SLC28A3: variants seen among roughly 807,000 people sequenced by gnomAD.
SLC28A3 encodes concentrative Na(+)-nucleoside cotransporter 3.
A neutral mutation model predicts 84.2 loss-of-function variants in SLC28A3; 68 were observed. The ratio of observed to expected loss-of-function variants is 0.81; its 90% CI spans 0.66 to 0.99. SLC28A3 has a LOEUF of 0.99. Ranked by LOEUF, SLC28A3 falls within the 50% of genes least tolerant of loss-of-function variation. The probability of loss-of-function intolerance (pLI) is 0.00; values close to 1 mark genes in which losing one functional copy is unlikely to be tolerated. For missense variants in SLC28A3, 712 were observed against 841.5 expected (o/e 0.85, Z 1.90); for synonymous variants, 267 against 303.6 (o/e 0.88, Z 1.25).
chr9:84,335,224 A>G (rs552521538), intron 1 of SLC28A3, among the ~76,000 whole-genome samples: 1 of 152,204 alleles, frequency 6.6e-6, no homozygotes, highest in South Asian at 2.1e-4. Context: ...TTTTTGCTCT[A>G]ACTTTATTCC....
the SLC28A3 span, among the ~76,000 whole-genome samples, chr9:84,353,265 C>G: frequency 1.3e-5 from 2 of 152,294 alleles, no homozygotes; most frequent in African/African-American, 4.8e-5. Flanking sequence ...ATATTTTAAG[C>G]CTCACTCACG....
chr9:84,339,212 C>A (rs1183504087), intron 1 of SLC28A3, among the ~76,000 whole-genome samples: 2 of 151,980 alleles, frequency 1.3e-5, no homozygotes, highest in Non-Finnish European at 2.9e-5. Context: ...TTTTCCGTTT[C>A]TTTTATGTGA....
At chr9:84,280,904 T>C (rs1041261681) in intron 14 of SLC28A3, 22 bp from the exon 15 acceptor site, 2 of 1,611,168 alleles carry the variant, frequency 1.2e-6, no homozygotes, top group Non-Finnish European at 8.5e-7. Flanking sequence ...CATAAACACA[T>C]ATGTATACAC....
intron 1 of SLC28A3, among the ~76,000 whole-genome samples, chr9:84,324,181 C>CTTGTT (rs1046497862): frequency 2.6e-5 from 4 of 152,142 alleles, no homozygotes; most frequent in Non-Finnish European, 4.4e-5. Context: ...GTGCTCCCAA[C>CTTGTT]TTGTTTTATC....
intron 3 of SLC28A3, among the ~76,000 whole-genome samples, chr9:84,307,304 G>T (rs187422185): frequency 1.3e-5 from 2 of 151,726 alleles, no homozygotes; most frequent in East Asian, 3.9e-4. Context: ...GGTGGCACAG[G>T]CCTGTAATCC....
the SLC28A3 span, among the ~76,000 whole-genome samples, chr9:84,358,990 G>A: frequency 6.6e-6 from 1 of 152,124 alleles, no homozygotes; most frequent in African/African-American, 2.4e-5. Context: ...TTTTGGCAGA[G>A]ATGGAGGTTT....
At chr9:84,361,063 AG>A in the SLC28A3 span, among the ~76,000 whole-genome samples, 1 of 152,076 alleles carries the variant, frequency 6.6e-6, no homozygotes, top group Non-Finnish European at 1.5e-5. Context: ...TTAAACATGC[AG>A]GCCGGGTGCG....
intron 11 of SLC28A3, among the ~76,000 whole-genome samples, chr9:84,289,750 A>G (rs1825138344): frequency 6.6e-6 from 1 of 152,388 alleles, no homozygotes; most frequent in South Asian, 2.1e-4. Context: ...ACAAATGAAT[A>G]GAAGTAGTTG....
At chr9:84,289,671 C>T (rs1371124465) in intron 11 of SLC28A3, among the ~76,000 whole-genome samples, 1 of 152,164 alleles carries the variant, frequency 6.6e-6, no homozygotes, top group East Asian at 1.9e-4. Context: ...CTGTAAAGGG[C>T]CAGAGAATAA....
chr9:84,281,535 G>T (rs1483247101), intron 14 of SLC28A3, among the ~76,000 whole-genome samples: 1 of 152,192 alleles, frequency 6.6e-6, no homozygotes, highest in Non-Finnish European at 1.5e-5. Context: ...ACTGCTGGTG[G>T]GACTGTAAAA....
intron 4 of SLC28A3, among the ~76,000 whole-genome samples, chr9:84,304,380 G>A (rs148487613): frequency 2.1e-4 from 32 of 151,928 alleles, no homozygotes; most frequent in Non-Finnish European, 3.8e-4. Context: ...GGGTGCTTAC[G>A]TTTTATAGAC....
rs1386211126 is a variant in SLC28A3 at position 84,286,048 on chromosome 9, G to A, written c.1344C>T (p.Ala448=). The A allele has an allele frequency of 6.2e-7, 1 of 1,614,088 alleles. No homozygotes were observed. Among genetic ancestry groups the A allele is most frequent in the Non-Finnish European group, 8.5e-7 (1 of 1,179,980 alleles). ...QGASSSISLV[A]NIAVNLIAFL... ...AGGCAATCAGATTCACAGCGATGTTGGCCACCAGGGAGATGGAGGAGGATG... is the reference window on the plus strand; with the variant it reads ...AGGCAATCAGATTCACAGCGATGTTAGCCACCAGGGAGATGGAGGAGGATG... Residue 448 remains alanine, a synonymous_variant, in exon 13 of 18, where the codon GCC becomes GCT. Coordinates refer to ENST00000376238, the MANE Select transcript of SLC28A3 (RefSeq NM_001199633.2).
the SLC28A3 span, among the ~76,000 whole-genome samples, chr9:84,361,799 G>T: frequency 0.044 from 6,644 of 152,014 alleles, 201 homozygotes; most frequent in African/African-American, 0.089. Flanking sequence ...TGTAGTCTCA[G>T]CTACTCAGAA....
chr9:84,356,721 C>T, the SLC28A3 span, among the ~76,000 whole-genome samples: 1 of 152,034 alleles, frequency 6.6e-6, no homozygotes, highest in African/African-American at 2.4e-5. Flanking sequence ...ATCCCAGCTA[C>T]TCAGGAGGCT....
In SLC28A3 at chr9:84,292,764, G is replaced by A; in HGVS notation, c.943-16C>T. 4 of 1,524,300 alleles carry A rather than the reference G, an allele frequency of 2.6e-6. No homozygotes were observed. The highest frequency in any genetic ancestry group is 2.4e-5 in the East Asian group (1 of 41,048). The allele number at this position is 1,524,300 out of a possible 1,614,324, so 94.4% of individuals were successfully genotyped here. ...TCCATCCAACCTAAAAGGAAGAAAGGGACAAAGTCAGCAAAGAACTTTTTG... is the reference window on the plus strand; with the variant it reads ...TCCATCCAACCTAAAAGGAAGAAAGAGACAAAGTCAGCAAAGAACTTTTTG... On this transcript the variant is annotated splice_polypyrimidine_tract_variant and intron_variant, in intron 9 of 17. Coordinates refer to ENST00000376238, the MANE Select transcript of SLC28A3 (RefSeq NM_001199633.2).
rs780959142 is a variant in SLC28A3, at chr9:84,285,450, CT to C, written c.1541del (p.Lys514ArgfsTer19). On this transcript the variant is annotated frameshift_variant, in exon 14 of 18. Transcript: ENST00000376238. LOFTEE classifies it high-confidence loss of function. ...AAGCCACAAATTCATTGAAGAAGGT[CT>C]TATAACCTATGAGTCTGGCAACCAT... Reference protein sequence around the residue: ...SFMVARLIGYKTFFNEFVAYE... With the variant: ...SFMVARLIGYXTFFNEFVAYE... The C allele has an allele frequency of 3.1e-6, 5 of 1,614,036 alleles. No homozygotes were observed. The highest frequency in any genetic ancestry group is 4.2e-6 in the Non-Finnish European group (5 of 1,180,032).
Position 84,322,048 on chromosome 9 carries a change from TCAA to T in SLC28A3, c.61-8597_61-8595del, listed in dbSNP as rs988453771. ...CTGGAAGACAGAGCGAGACTCCGTCTCAACAACAACAACAAGAAGAAACATTAT... is the reference window on the plus strand; with the variant it reads ...CTGGAAGACAGAGCGAGACTCCGTCTCAACAACAACAAGAAGAAACATTAT... On this transcript the variant is annotated intron_variant, in intron 1 of 17. Transcript: ENST00000376238. Among the ~76,000 whole-genome samples the T allele has an allele frequency of 2.4e-3, 360 of 152,310 alleles. 2 individuals carry two copies. Among genetic ancestry groups the T allele is most frequent in the African/African-American group, 8.3e-3 (347 of 41,568 alleles).
At chr9:84,308,456 T>A (rs1279499133) in intron 3 of SLC28A3, among the ~76,000 whole-genome samples, 1 of 151,778 alleles carries the variant, frequency 6.6e-6, no homozygotes, top group Admixed American at 6.6e-5. Flanking sequence ...TGAGGCAGGA[T>A]AATTGCTTGA....
At position 84,285,547 on chromosome 9, in the gene SLC28A3, A is replaced by G; in HGVS notation, c.1450-5T>C. The stretch of plus-strand genomic sequence containing the variant: ...GAAGATGTAGGAGCAGATTAGCTAC[A>G]GAAACCAAAAGTAGACACTTGATTA... On this transcript the variant is annotated splice_region_variant and splice_polypyrimidine_tract_variant and intron_variant, in intron 13 of 17. Coordinates refer to ENST00000376238, the MANE Select transcript of SLC28A3 (RefSeq NM_001199633.2). 6.2e-7 allele frequency: 1 copy of G among 1,614,140 alleles called. No individual in the cohort carries two copies. Among genetic ancestry groups the G allele is most frequent in the Non-Finnish European group, 8.5e-7 (1 of 1,179,996 alleles).
Sources: allele counts gnomAD v4.1 joint callset (sites outside exome capture counted in the v4.1 genomes callset), GRCh38; gene constraint gnomAD v4.1.1; transcripts MANE v1.5; gene names NCBI Gene and HGNC (gene_info 2026-07-23, HGNC 2026-07-21).